Variants in WWTR1 observed in about 807,000 individuals in gnomAD.
WWTR1 encodes WW domain-containing transcription regulator protein 1.
A neutral mutation model predicts 40.1 loss-of-function variants in WWTR1; 13 were observed. That is an observed-to-expected ratio of 0.32 (90% CI 0.21 to 0.52). The LOEUF (loss-of-function observed/expected upper bound fraction) is 0.52. Among genes scored for constraint, WWTR1 ranks in the 20% least tolerant of loss-of-function variants. The probability of loss-of-function intolerance (pLI) is 0.97; values close to 1 mark genes in which losing one functional copy is unlikely to be tolerated. For synonymous variants in WWTR1, 230 were observed against 210.1 expected, an observed-to-expected ratio of 1.09 and a Z score of -0.82; for missense variants, 436 against 523.1, an observed-to-expected ratio of 0.83 and a Z score of 1.63.
intron 2 of WWTR1, among the ~76,000 whole-genome samples, chr3:149,669,492 A>G (rs1156439733): frequency 6.6e-6 from 1 of 152,248 alleles, no homozygotes; most frequent in Non-Finnish European, 1.5e-5. Context: ...TCGTTTAAAG[A>G]AGACAAACAA....
intron 3 of WWTR1, among the ~76,000 whole-genome samples, chr3:149,563,324 G>A (rs1359236758): frequency 3.3e-5 from 5 of 152,222 alleles, no homozygotes; most frequent in African/African-American, 4.8e-5. Flanking sequence ...AATTCGTCAC[G>A]GTTTAGGCTT....
intron 2 of WWTR1, among the ~76,000 whole-genome samples, chr3:149,635,750 T>C (rs940596353): frequency 1.3e-5 from 2 of 152,240 alleles, no homozygotes; most frequent in Middle Eastern, 3.4e-3. Flanking sequence ...ATGAGCAGGA[T>C]TGGGGATAGA....
chr3:149,542,127 G>A (rs572577270), intron 4 of WWTR1, among the ~76,000 whole-genome samples: 15 of 152,262 alleles, frequency 9.9e-5, no homozygotes, highest in African/African-American at 2.9e-4. Flanking sequence ...AATACAGCTC[G>A]TCCTTGTACC....
intron 2 of WWTR1, among the ~76,000 whole-genome samples, chr3:149,634,065 G>A (rs1000453491): frequency 4.6e-5 from 7 of 152,082 alleles, no homozygotes; most frequent in Non-Finnish European, 1.0e-4. Context: ...GTAGGGTGGA[G>A]GCAACAGGAA....
At chr3:149,698,643 C>A (rs1354611900) in intron 1 of WWTR1, among the ~76,000 whole-genome samples, 2 of 152,252 alleles carry the variant, frequency 1.3e-5, no homozygotes, top group African/African-American at 2.4e-5. Context: ...ACCCCTGTGG[C>A]AGGCTTCTGC....
At chr3:149,580,944 T>G (rs1451641290) in intron 2 of WWTR1, among the ~76,000 whole-genome samples, 4 of 152,220 alleles carry the variant, frequency 2.6e-5, no homozygotes, top group Non-Finnish European at 5.9e-5. Flanking sequence ...TCCAGTACAT[T>G]GATCTCCTCT....
chr3:149,622,334 C>G (rs1455319600), intron 2 of WWTR1, among the ~76,000 whole-genome samples: 1 of 151,552 alleles, frequency 6.6e-6, no homozygotes, highest in Non-Finnish European at 1.5e-5. Context: ...GACCAATTGT[C>G]AAAGTAATTT....
intron 3 of WWTR1, among the ~76,000 whole-genome samples, chr3:149,562,174 AGTC>A (rs374185075): frequency 5.3e-5 from 8 of 152,114 alleles, no homozygotes; most frequent in African/African-American, 1.9e-4. Context: ...GTGTGCCTGT[AGTC>A]CCAGCTACTC....
intron 2 of WWTR1, among the ~76,000 whole-genome samples, chr3:149,643,759 G>A (rs1012871767): frequency 1.3e-5 from 2 of 152,034 alleles, no homozygotes; most frequent in Non-Finnish European, 2.9e-5. Flanking sequence ...AAGTGTCCTC[G>A]TGGAAAAGTC....
At chr3:149,608,899 A>G (rs1283889456) in intron 2 of WWTR1, among the ~76,000 whole-genome samples, 1 of 151,928 alleles carries the variant, frequency 6.6e-6, no homozygotes, top group Admixed American at 6.6e-5. Flanking sequence ...CAAAAGAAAA[A>G]AAATAGAAAT....
At chr3:149,603,916 C>CACATCTAA (rs1207065293) in intron 2 of WWTR1, among the ~76,000 whole-genome samples, 1 of 149,866 alleles carries the variant, frequency 6.7e-6, no homozygotes, top group African/African-American at 2.5e-5. Context: ...ACACATTGGC[C>CACATCTAA]ACATCTAAGG....
intron 3 of WWTR1, among the ~76,000 whole-genome samples, chr3:149,566,827 A>AC (rs1491534928): frequency 6.7e-6 from 1 of 149,724 alleles, no homozygotes; most frequent in African/African-American, 2.5e-5. Context: ...AAAAAAAAAA[A>AC]CACACATGTG....
At chr3:149,542,217 T>C in intron 4 of WWTR1, 118 bp downstream of exon 4, 1 of 1,175,368 alleles carries the variant, frequency 8.5e-7, no homozygotes, top group Non-Finnish European at 1.2e-6. Context: ...GAGTAGGGCT[T>C]TGAGCCCTAT....
chr3:149,536,477 A>T (rs148396661), intron 4 of WWTR1, among the ~76,000 whole-genome samples: 1 of 144,866 alleles, frequency 6.9e-6, no homozygotes, highest in African/African-American at 2.8e-5. Context: ...ATGACAAAAA[A>T]AAAAAGGGGG....
intron 2 of WWTR1, among the ~76,000 whole-genome samples, chr3:149,647,502 G>C (rs1342828798): frequency 6.6e-6 from 1 of 152,158 alleles, no homozygotes; most frequent in Non-Finnish European, 1.5e-5. Context: ...AACTGAGAAA[G>C]TACCGAAAAC....
intron 2 of WWTR1, among the ~76,000 whole-genome samples, chr3:149,627,008 A>G (rs1740575572): frequency 6.6e-6 from 1 of 152,140 alleles, no homozygotes; most frequent in African/African-American, 2.4e-5. Context: ...AAAAACATAA[A>G]ATGAGACATG....
intron 2 of WWTR1, among the ~76,000 whole-genome samples, chr3:149,640,365 T>C (rs1297306977): frequency 3.3e-5 from 5 of 152,200 alleles, no homozygotes; most frequent in African/African-American, 1.2e-4. Context: ...TCTCTGATGG[T>C]TTTCATAAAC....
At chr3:149,571,096 C>G (rs1431050539) in intron 3 of WWTR1, among the ~76,000 whole-genome samples, 1 of 151,950 alleles carries the variant, frequency 6.6e-6, no homozygotes, top group Non-Finnish European at 1.5e-5. Flanking sequence ...ATATGCTAAC[C>G]TTAGTATGAT....
At chr3:149,677,878 C>T (rs1714323036) in intron 1 of WWTR1, among the ~76,000 whole-genome samples, 1 of 152,140 alleles carries the variant, frequency 6.6e-6, no homozygotes, top group Admixed American at 6.5e-5. Context: ...ATTCTCCTGC[C>T]TCAGCCTCCT....
Sources: gnomAD v4.1 joint callset for allele counts (sites outside exome capture counted in the v4.1 genomes callset) on GRCh38, gnomAD v4.1.1 for gene constraint, MANE v1.5 for transcripts, NCBI Gene and HGNC (gene_info 2026-07-23, HGNC 2026-07-21) for gene names.